Variants in CUBN observed in about 807,000 individuals in gnomAD.
CUBN encodes the protein 460 kDa receptor.
CUBN carries 282 observed loss-of-function variants against 405.3 expected under a neutral mutation model. The ratio of observed to expected loss-of-function variants is 0.70; its 90% CI spans 0.63 to 0.77. The LOEUF is 0.77. Ranked by LOEUF, CUBN falls within the 30% of genes least tolerant of loss-of-function variation. The pLI is 0.00. For synonymous variants in CUBN, 1,684 were observed against 1,617.0 expected (o/e 1.04, Z -0.99); for missense variants, 4,514 against 4,475.2 (o/e 1.01, Z -0.25).
intron 14 of CUBN, among the ~76,000 whole-genome samples, chr10:17,099,721 G>A (rs1836454238): frequency 1.3e-5 from 2 of 151,992 alleles, no homozygotes; most frequent in Non-Finnish European, 2.9e-5. Context: ...GAGTGGTGGT[G>A]CACACCTGTA....
chr10:16,886,624 C>G (rs1483164125), intron 56 of CUBN, among the ~76,000 whole-genome samples: 3 of 152,132 alleles, frequency 2.0e-5, no homozygotes, highest in Admixed American at 2.0e-4. Context: ...TCTACTGTTC[C>G]CTCTGCCAAC....
chr10:16,863,966 A>G (rs1840089725), intron 59 of CUBN, among the ~76,000 whole-genome samples: 1 of 152,222 alleles, frequency 6.6e-6, no homozygotes, highest in Non-Finnish European at 1.5e-5. Context: ...AATTCTCTGA[A>G]GATGAAAGTG....
chr10:17,055,283 T>A (rs1278931775), intron 22 of CUBN, among the ~76,000 whole-genome samples: 1 of 152,070 alleles, frequency 6.6e-6, no homozygotes, highest in Non-Finnish European at 1.5e-5. Context: ...ATGAATGGCA[T>A]CTATGGAAAA....
At chr10:16,931,002 A>G (rs1842347462) in intron 40 of CUBN, among the ~76,000 whole-genome samples, 1 of 152,104 alleles carries the variant, frequency 6.6e-6, no homozygotes, top group Admixed American at 6.5e-5. Context: ...CACACCTGTA[A>G]TCACAGCACT....
intron 9 of CUBN, among the ~76,000 whole-genome samples, chr10:17,110,309 C>T (rs572843199): frequency 1.2e-4 from 19 of 152,256 alleles, no homozygotes; most frequent in Admixed American, 2.6e-4. Flanking sequence ...ACAAATTATT[C>T]GTGAGGGCAA....
intron 48 of CUBN, among the ~76,000 whole-genome samples, chr10:16,908,559 T>C (rs1373041901): frequency 6.6e-6 from 1 of 152,264 alleles, no homozygotes; most frequent in Non-Finnish European, 1.5e-5. Flanking sequence ...ATTTTCTTAC[T>C]TATTTGAATT....
At chr10:17,075,106 T>C (rs1462516019) in intron 17 of CUBN, among the ~76,000 whole-genome samples, 3 of 121,712 alleles carry the variant, frequency 2.5e-5, no homozygotes, top group African/African-American at 3.4e-5. Context: ...TTTTTTGAGA[T>C]GAAGTCTCAC....
In CUBN at chr10:16,954,124, T is replaced by TA. The variant is rs111366459; in HGVS notation, c.4855+264dup. Among the ~76,000 whole-genome samples the TA allele has an allele frequency of 0.69, 104,189 of 151,894 alleles. 36,355 individuals are homozygous for TA. The highest frequency in any genetic ancestry group is 0.82 in the African/African-American group (33,982 of 41,404). On this transcript the variant is annotated intron_variant, in intron 32 of 66. Transcript: ENST00000377833. Reference sequence around the variant, plus strand: ...GTAGTGCTAGATCAGTGAATTTGGATAAAACTTTTTTATACTGTTTCTAGT... The same window carrying TA: ...GTAGTGCTAGATCAGTGAATTTGGATAAAAACTTTTTTATACTGTTTCTAGT...
rs537390728 is a variant in CUBN, at chr10:16,872,954, A to C, written c.9236+1420T>G. 2.6e-5 allele frequency among the ~76,000 whole-genome samples: 4 copies of C among 152,348 alleles called. No individual in the cohort carries two copies. The South Asian group carries it at 8.3e-4, about 32-fold the overall frequency. ...GTCCAGCCTATAGAACGCCTGATAC[A>C]GGAACCAAATCAGGCTTGATGAGAG... is the stretch of plus-strand genomic sequence containing the variant. On this transcript the variant is annotated intron_variant, in intron 58 of 66. Coordinates refer to ENST00000377833, the MANE Select transcript of CUBN (RefSeq NM_001081.4).
intron 56 of CUBN, among the ~76,000 whole-genome samples, chr10:16,884,105 G>A (rs548010968): frequency 3.9e-5 from 6 of 152,056 alleles, no homozygotes; most frequent in Admixed American, 6.6e-5. Flanking sequence ...TCAGCTTCCC[G>A]AGTAGCTGGG....
In CUBN at chr10:16,953,518, T is replaced by C. The variant is rs145743664; in HGVS notation, c.4855+871A>G. 8.1e-3 allele frequency among the ~76,000 whole-genome samples: 1,234 copies of C among 152,216 alleles called. 13 individuals are homozygous for C. Among genetic ancestry groups the C allele is most frequent in the Non-Finnish European group, 0.012 (799 of 68,016 alleles). ...ATACAAGTCATCTCTGACTATGGGA[T>C]AAGGGGTTCATCTCTTAGAACGAGC... On this transcript the variant is annotated intron_variant, in intron 32 of 66. Transcript: ENST00000377833.
intron 45 of CUBN, among the ~76,000 whole-genome samples, chr10:16,917,523 A>C (rs1176825133): frequency 6.6e-6 from 1 of 152,186 alleles, no homozygotes; most frequent in Non-Finnish European, 1.5e-5. Context: ...GGTGTACTGT[A>C]CTCACCTATT....
In CUBN at chr10:17,123,582, A is replaced by G; in HGVS notation, c.489+6T>C. On this transcript the variant is annotated splice_donor_region_variant and intron_variant, in intron 5 of 66. Coordinates refer to ENST00000377833, the MANE Select transcript of CUBN (RefSeq NM_001081.4). ...ATCATTCTTAACCAAAGAGTAGATG[A>G]CTCACCTTCCACTGTGGGGGACAGA... 1 of 1,602,166 alleles carries G rather than the reference A, an allele frequency of 6.2e-7. No individual in the cohort carries two copies. Among genetic ancestry groups the G allele is most frequent in the Non-Finnish European group, 8.6e-7 (1 of 1,169,432 alleles).
At chr10:16,926,546 G>A (rs933520279) in intron 41 of CUBN, among the ~76,000 whole-genome samples, 6 of 151,890 alleles carry the variant, frequency 4.0e-5, no homozygotes, top group African/African-American at 1.2e-4. Flanking sequence ...GAGATGATAG[G>A]TGCACGGGCT....
chr10:17,070,804 T>C (rs948666171), intron 19 of CUBN, among the ~76,000 whole-genome samples: 1 of 152,164 alleles, frequency 6.6e-6, no homozygotes, highest in Non-Finnish European at 1.5e-5. Context: ...ATGTTATCTG[T>C]GAATAGAGAG....
intron 50 of CUBN, 54 bp downstream of exon 50, chr10:16,906,149 G>T: frequency 7.2e-7 from 1 of 1,390,352 alleles, no homozygotes; most frequent in Non-Finnish European, 1.0e-6. Flanking sequence ...CAACAAAAAA[G>T]ATAAAAAGAA....
At chr10:16,848,939 A>T (rs557805575) in intron 60 of CUBN, among the ~76,000 whole-genome samples, 1 of 152,120 alleles carries the variant, frequency 6.6e-6, no homozygotes, top group Admixed American at 6.5e-5. Flanking sequence ...TCTGAGCTCA[A>T]GCAATCTGCC....
intron 16 of CUBN, 28 bp downstream of exon 16, chr10:17,085,569 T>G: frequency 6.2e-7 from 1 of 1,609,398 alleles, no homozygotes; most frequent in Non-Finnish European, 8.5e-7. Context: ...CAAATCCCTC[T>G]TAAGCCCCCA....
chr10:16,833,460 T>C (rs1244155620), intron 64 of CUBN, among the ~76,000 whole-genome samples: 3 of 152,178 alleles, frequency 2.0e-5, no homozygotes, highest in African/African-American at 7.2e-5. Context: ...ATAAAGGATT[T>C]AGATGAATTC....
Sources: allele counts gnomAD v4.1 joint callset (sites outside exome capture counted in the v4.1 genomes callset), GRCh38; gene constraint gnomAD v4.1.1; transcripts MANE v1.5; gene names NCBI Gene and HGNC (gene_info 2026-07-23, HGNC 2026-07-21).